Variants in SLC45A4 observed in about 807,000 individuals in gnomAD.
SLC45A4 encodes the protein solute carrier family 45 member 4.
In SLC45A4, 32 loss-of-function variants were observed where a neutral mutation model predicts 63.7. The ratio of observed to expected loss-of-function variants is 0.50; its 90% CI spans 0.38 to 0.67. The LOEUF is 0.67. SLC45A4 is among the 30% of genes least tolerant of loss of function. SLC45A4 has a pLI of 0.00. For synonymous variants in SLC45A4, 535 were observed against 510.0 expected, an observed-to-expected ratio of 1.05 and a Z score of -0.66; for missense variants, 1,027 against 1,157.7, an observed-to-expected ratio of 0.89 and a Z score of 1.64.
intron 2 of SLC45A4, among the ~76,000 whole-genome samples, chr8:141,237,603 G>A (rs1239896730): frequency 6.6e-6 from 1 of 151,958 alleles, no homozygotes; most frequent in East Asian, 1.9e-4. Context: ...GACCTGGAGG[G>A]CCTCCAGGGC....
intron 2 of SLC45A4, chr8:141,253,294 T>C (rs7014583): frequency 0.71 from 111,984 of 157,272 alleles, 42,633 homozygotes; most frequent in East Asian, 0.89. Context: ...CCCACCTGCG[T>C]GTGTCTGTGA....
intron 2 of SLC45A4, among the ~76,000 whole-genome samples, chr8:141,233,051 G>C (rs528482314): frequency 1.3e-4 from 20 of 152,378 alleles, no homozygotes; most frequent in Middle Eastern, 3.4e-3. Flanking sequence ...AGGCGAAAGG[G>C]AGTCGGGCAT....
rs531857464 is a variant in SLC45A4 at position 141,211,649 on chromosome 8, G to A, written c.2350C>T (p.Pro784Ser). The A allele has an allele frequency of 1.6e-5, 25 of 1,609,136 alleles. No individual in the cohort carries two copies. The South Asian group carries it at 2.3e-4, about 15-fold the overall frequency. Reference sequence around the variant, plus strand: ...AGAAAAATACTCTCCAACAGCTGCGGCACCAGCCAATGTGACGAGATCTGA... The same window carrying A: ...AGAAAAATACTCTCCAACAGCTGCGACACCAGCCAATGTGACGAGATCTGA... ...VCQISSHWLV[P>S]QLLESIFLYD... The change falls in exon 9 of 9, where the codon CCG becomes TCG. Residue 784 changes from proline (P) to serine (S), a missense_variant. Pro to Ser is a moderately conservative substitution (Grantham distance 74, BLOSUM62 -1). Coordinates refer to ENST00000517878, the MANE Select transcript of SLC45A4 (RefSeq NM_001286646.2).
intron 1 of SLC45A4, among the ~76,000 whole-genome samples, chr8:141,273,257 T>A (rs1829606958): frequency 6.6e-6 from 1 of 152,212 alleles, no homozygotes. Flanking sequence ...TAAGAGGCAA[T>A]GAGGGGTGTG....
At chr8:141,251,894 G>A (rs1828483344) in intron 2 of SLC45A4, among the ~76,000 whole-genome samples, 1 of 150,622 alleles carries the variant, frequency 6.6e-6, no homozygotes. Flanking sequence ...AATCAGTGCT[G>A]ATGCCAGCGG....
In SLC45A4 at chr8:141,215,778, T is replaced by C. The variant is rs1242549283; in HGVS notation, c.1922A>G (p.Gln641Arg). 6.2e-7 allele frequency: 1 copy of C among 1,613,572 alleles called. No homozygotes were observed. Among genetic ancestry groups the C allele is most frequent in the Non-Finnish European group, 8.5e-7 (1 of 1,180,004 alleles). ...ACGCACCTGCTTGATGTCATGGTAC[T>C]GGCCCAGCAGGGCGTACGGGCAGTA... Reference protein sequence around the residue: ...ISYCPYALLGQYHDIKQYIHH... With the variant: ...ISYCPYALLGRYHDIKQYIHH... Residue 641 changes from glutamine (Q) to arginine (R), a missense_variant, in exon 7 of 9, where the codon CAG becomes CGG. Physicochemically the swap from Gln to Arg is conservative, Grantham distance 43 (BLOSUM62 1). Transcript: ENST00000517878. The surrounding 1 kb of genome is among the most constrained non-coding windows in gnomAD (Gnocchi z 4.3).
chr8:141,221,696 A>G lies in SLC45A4; in HGVS notation c.311T>C (p.Leu104Pro). 6.2e-7 allele frequency: 1 copy of G among 1,614,090 alleles called. No individual in the cohort carries two copies. The highest frequency in any genetic ancestry group is 1.3e-5 in the African/African-American group (1 of 75,070). Reference protein sequence around the residue: ...SPILGLIFTPLIGSASDRCTL... With the variant: ...SPILGLIFTPPIGSASDRCTL... ...GCACCGGTCACTCGCAGACCCAATG[A>G]GAGGTGTGAAGATGAGGCCAAGGAT... Residue 104 changes from leucine (L) to proline (P), a missense_variant, in exon 3 of 9, where the codon CTC becomes CCC. By Grantham distance (98) the Leu-to-Pro change is moderately conservative. Transcript: ENST00000517878.
intron 2 of SLC45A4, among the ~76,000 whole-genome samples, chr8:141,249,124 A>G (rs1218464550): frequency 1.3e-5 from 2 of 152,164 alleles, no homozygotes; most frequent in East Asian, 3.8e-4. Flanking sequence ...CTAAACATTG[A>G]CGACGATGTG....
intron 3 of SLC45A4, 126 bp downstream of exon 3, chr8:141,221,451 G>A (rs1030600219): frequency 1.6e-6 from 2 of 1,253,312 alleles, no homozygotes; most frequent in Non-Finnish European, 2.2e-6. Context: ...GGCCCCGGCA[G>A]CCCAGCCAGG....
At chr8:141,296,270 G>T (rs1830547235) in intron 1 of SLC45A4, among the ~76,000 whole-genome samples, 1 of 151,782 alleles carries the variant, frequency 6.6e-6, no homozygotes, top group African/African-American at 2.4e-5. Flanking sequence ...GGCAGAGGTT[G>T]CAGTGAGTTG....
At chr8:141,231,019 CCT>C (rs1375022288) in intron 2 of SLC45A4, among the ~76,000 whole-genome samples, 5 of 152,240 alleles carry the variant, frequency 3.3e-5, no homozygotes, top group Non-Finnish European at 5.9e-5. Context: ...CCCCGCCCGG[CCT>C]CTCTCTTCTC....
rs1825817480 is a variant in SLC45A4 at position 141,211,641 on chromosome 8, C to T, written c.2358G>A (p.Leu786=). ...AATCATAAAGAAAAATACTCTCCAA[C>T]AGCTGCGGCACCAGCCAATGTGACG... ...QISSHWLVPQ[L]LESIFLYDYF... is the part of the protein sequence containing the mutation. Residue 786 remains leucine, a synonymous_variant, in exon 9 of 9, where the codon CTG becomes CTA. Coordinates refer to ENST00000517878, the MANE Select transcript of SLC45A4 (RefSeq NM_001286646.2). 1 of 1,610,934 alleles carries T rather than the reference C, an allele frequency of 6.2e-7. No homozygotes were observed. The highest frequency in any genetic ancestry group is 8.5e-7 in the Non-Finnish European group (1 of 1,178,684).
At chr8:141,261,973 A>C (rs1415611209) in intron 1 of SLC45A4, among the ~76,000 whole-genome samples, 1 of 152,200 alleles carries the variant, frequency 6.6e-6, no homozygotes, top group Non-Finnish European at 1.5e-5. Flanking sequence ...ACTATACTAC[A>C]AGGCTACAGT....
Position 141,302,299 on chromosome 8 carries a change from G to C in SLC45A4, c.-401+5797C>G, listed in dbSNP as rs77823988. Among the ~76,000 whole-genome samples the C allele has an allele frequency of 9.6e-3, 1,459 of 151,946 alleles. 26 individuals carry two copies. The highest frequency in any genetic ancestry group is 0.033 in the African/African-American group (1,384 of 41,396). ...GATGGAGACAGAGGCTTGCTCTTTC[G>C]CTCAGGCTGGAGTGAAGTGGCGCAA... On this transcript the variant is annotated intron_variant, in intron 1 of 8. Transcript: ENST00000517878.
rs1826298264 is a variant in SLC45A4 at position 141,218,174 on chromosome 8, T to TCCC, written c.1463_1465dup (p.Gly488dup). 6.2e-7 allele frequency: 1 copy of TCCC among 1,604,450 alleles called. No homozygotes were observed. The highest frequency in any genetic ancestry group is 8.5e-7 in the Non-Finnish European group (1 of 1,179,688). ...CAGCAGGCGCACCGTGGTCTCGCCC[T>TCCC]CCCCCTCCTCACTCTCGGTGTCCCC... is the stretch of plus-strand genomic sequence containing the variant. On this transcript the variant is annotated inframe_insertion, in exon 5 of 9. Transcript: ENST00000517878.
intron 1 of SLC45A4, among the ~76,000 whole-genome samples, chr8:141,257,198 C>T (rs778524068): frequency 8.5e-5 from 13 of 152,348 alleles, no homozygotes; most frequent in Admixed American, 3.3e-4. Context: ...GTGTAAGAAA[C>T]CACCCAGGTT....
Position 141,304,876 on chromosome 8 carries a change from T to C in SLC45A4, c.-401+3220A>G, listed in dbSNP as rs182635684. 1.4e-3 allele frequency among the ~76,000 whole-genome samples: 210 copies of C among 152,274 alleles called. 2 individuals are homozygous for C. The highest frequency in any genetic ancestry group is 1.9e-3 in the South Asian group (9 of 4,822). On this transcript the variant is annotated intron_variant, in intron 1 of 8. Coordinates refer to ENST00000517878, the MANE Select transcript of SLC45A4 (RefSeq NM_001286646.2). ...GGCTGCCCTCTAAGTCTGTGGATGTTTTTAATCTTCTTAAAATGCCTCCTC... is the reference window on the plus strand; with the variant it reads ...GGCTGCCCTCTAAGTCTGTGGATGTCTTTAATCTTCTTAAAATGCCTCCTC...
At chr8:141,264,520 A>C (rs934148386) in intron 1 of SLC45A4, among the ~76,000 whole-genome samples, 1 of 152,074 alleles carries the variant, frequency 6.6e-6, no homozygotes, top group Non-Finnish European at 1.5e-5. Flanking sequence ...TCTCATGTTT[A>C]TTGCCAAGAA....
intron 6 of SLC45A4, among the ~76,000 whole-genome samples, chr8:141,216,366 A>C (rs539608345): frequency 6.6e-6 from 1 of 152,128 alleles, no homozygotes; most frequent in Non-Finnish European, 1.5e-5. Context: ...GGGAACACAC[A>C]TTTTTGCTGG....
Sources: gnomAD v4.1 joint callset for allele counts (sites outside exome capture counted in the v4.1 genomes callset) on GRCh38, gnomAD v4.1.1 for gene constraint, Gnocchi (gnomAD v3.1) non-coding constraint, MANE v1.5 for transcripts, NCBI Gene and HGNC (gene_info 2026-07-23, HGNC 2026-07-21) for gene names.